TMEM131L: variants seen among roughly 807,000 people sequenced by gnomAD.
TMEM131L encodes transmembrane 131 like.
Under a neutral mutation model 192.2 loss-of-function variants are expected in TMEM131L, and 54 were observed. That is an observed-to-expected ratio of 0.28 (90% CI 0.23 to 0.35). TMEM131L has a LOEUF of 0.35. Among genes scored for constraint, TMEM131L ranks in the 10% least tolerant of loss-of-function variants. TMEM131L has a pLI of 1.00. For missense variants in TMEM131L, 1,888 were observed against 1,972.9 expected (o/e 0.96, Z 0.82); for synonymous variants, 701 against 704.9 (o/e 0.99, Z 0.09).
At chr4:153,563,456 CTTTTTTTTTTTTTTT>C (rs1177255196) in intron 7 of TMEM131L, among the ~76,000 whole-genome samples, 4 of 88,198 alleles carry the variant, frequency 4.5e-5, no homozygotes, top group South Asian at 8.8e-4. Context: ...GATATGTACC[CTTTTTTTTTTTTTTT>C]TTTTTTTTTT....
At chr4:153,631,317 G>A (rs1734193354) in intron 31 of TMEM131L, among the ~76,000 whole-genome samples, 1 of 152,228 alleles carries the variant, frequency 6.6e-6, no homozygotes, top group South Asian at 2.1e-4. Flanking sequence ...CCCTAGAGGG[G>A]TACCTGCCAT....
intron 3 of TMEM131L, among the ~76,000 whole-genome samples, chr4:153,490,226 C>T (rs116146473): frequency 0.02 from 3,011 of 152,232 alleles, 53 homozygotes; most frequent in South Asian, 0.069. Context: ...ATCCAAATTG[C>T]GTGTTAGTTT....
chr4:153,580,784 C>A, intron 7 of TMEM131L, 42 bp from the exon 8 acceptor site: 1 of 1,153,594 alleles, frequency 8.7e-7, no homozygotes, highest in Non-Finnish European at 1.3e-6. Context: ...TGAGATTGAG[C>A]CTTTTACTTA....
At chr4:153,552,847 C>CA (rs1040491513) in intron 4 of TMEM131L, among the ~76,000 whole-genome samples, 40 of 150,402 alleles carry the variant, frequency 2.7e-4, no homozygotes, top group African/African-American at 9.5e-4. Flanking sequence ...AAAACAAAAA[C>CA]AAAAAAAACT....
intron 21 of TMEM131L, among the ~76,000 whole-genome samples, chr4:153,600,545 AAT>A (rs1731767399): frequency 6.6e-6 from 1 of 152,234 alleles, no homozygotes; most frequent in South Asian, 2.1e-4. Flanking sequence ...ATTTAAACGA[AAT>A]GCCTTTAAAC....
chr4:153,569,852 C>T (rs76414113), intron 7 of TMEM131L, among the ~76,000 whole-genome samples: 2,638 of 152,242 alleles, frequency 0.017, 96 homozygotes, highest in African/African-American at 0.061. Context: ...AATATAAACC[C>T]TCTTCTATTA....
chr4:153,551,584 G>T (rs1442856164), intron 4 of TMEM131L, among the ~76,000 whole-genome samples: 2 of 151,982 alleles, frequency 1.3e-5, no homozygotes, highest in Non-Finnish European at 2.9e-5. Flanking sequence ...TCAAACTCCT[G>T]ACCTCAAGTG....
chr4:153,591,024 T>C, intron 16 of TMEM131L, 29 bp from the exon 17 acceptor site: 1 of 1,422,046 alleles, frequency 7.0e-7, no homozygotes. Context: ...AAAATATTTT[T>C]CATAATAGTT....
intron 3 of TMEM131L, among the ~76,000 whole-genome samples, chr4:153,487,311 A>AAGG (rs1455731645): frequency 6.6e-6 from 1 of 152,188 alleles, no homozygotes; most frequent in East Asian, 1.9e-4. Flanking sequence ...GATTTTATCA[A>AAGG]ACCTAGAATC....
intron 7 of TMEM131L, among the ~76,000 whole-genome samples, chr4:153,580,540 A>G (rs753481920): frequency 1.1e-4 from 16 of 152,192 alleles, no homozygotes; most frequent in Non-Finnish European, 8.8e-5. Context: ...TTTAGAACAT[A>G]TTCACCTGCT....
At chr4:153,485,847 C>T (rs1238837258) in intron 3 of TMEM131L, among the ~76,000 whole-genome samples, 1 of 152,196 alleles carries the variant, frequency 6.6e-6, no homozygotes, top group African/African-American at 2.4e-5. Context: ...AAAGTGCTTT[C>T]ACATGTATCT....
intron 3 of TMEM131L, among the ~76,000 whole-genome samples, chr4:153,482,589 CTT>C (rs1009835241): frequency 2.0e-5 from 3 of 151,930 alleles, no homozygotes; most frequent in Non-Finnish European, 4.4e-5. Flanking sequence ...TTCCTAAAAA[CTT>C]TTATTTTATT....
chr4:153,480,192 A>G (rs1304387766), intron 3 of TMEM131L, among the ~76,000 whole-genome samples: 1 of 152,120 alleles, frequency 6.6e-6, no homozygotes, highest in Non-Finnish European at 1.5e-5. Context: ...ATAAAAAATT[A>G]GCTGGGCGTG....
intron 3 of TMEM131L, among the ~76,000 whole-genome samples, chr4:153,518,397 G>T (rs1369377172): frequency 6.6e-6 from 1 of 152,184 alleles, no homozygotes; most frequent in Non-Finnish European, 1.5e-5. Flanking sequence ...AGAGAAAAAA[G>T]AATCAGAAGA....
intron 1 of TMEM131L, 22 bp from the exon 2 acceptor site, chr4:153,467,179 AAAACGTGGTG>A: frequency 6.5e-7 from 1 of 1,548,936 alleles, no homozygotes; most frequent in Non-Finnish European, 8.7e-7. Flanking sequence ...GCGTGCATTA[AAAACGTGGTG>A]TATTTTTTGG....
Position 153,483,060 on chromosome 4 carries a change from AG to A in TMEM131L, c.239+9175del, listed in dbSNP as rs563126192. On this transcript the variant is annotated intron_variant, in intron 3 of 34. Transcript: ENST00000409959. ...AATTTTGAAAAAAAAATAATTTTGA[AG>A]GGTTAGTCTAGAATAAAAATAGGCA... Among the ~76,000 whole-genome samples, 41 of 152,360 alleles carry A rather than the reference AG, an allele frequency of 2.7e-4. No individual in the cohort carries two copies. The East Asian group carries it at 7.7e-3, about 29-fold the overall frequency.
chr4:153,573,353 C>T (rs977451275), intron 7 of TMEM131L, among the ~76,000 whole-genome samples: 7 of 152,228 alleles, frequency 4.6e-5, no homozygotes, highest in African/African-American at 7.2e-5. Context: ...AAACTTTTGC[C>T]GAGCCTGGAT....
chr4:153,517,818 A>C (rs1263003146), intron 3 of TMEM131L, among the ~76,000 whole-genome samples: 1 of 152,084 alleles, frequency 6.6e-6, no homozygotes, highest in Non-Finnish European at 1.5e-5. Context: ...TACACACTTG[A>C]TTTTCTGGAT....
rs1169736113 is a variant in TMEM131L, at chr4:153,584,885, C to G, written c.1111C>G (p.His371Asp). The G allele has an allele frequency of 2.5e-6, 4 of 1,613,978 alleles. No homozygotes were observed. Among genetic ancestry groups the G allele is most frequent in the Non-Finnish European group, 3.4e-6 (4 of 1,179,936 alleles). The change falls in exon 12 of 35, where the codon CAC (histidine) becomes GAC (aspartate). Residue 371 changes from histidine (H) to aspartate (D), a missense_variant. His to Asp is a moderately conservative substitution (Grantham distance 81, BLOSUM62 -1). Transcript: ENST00000409959. ...TATAGAAGATGTGAAGAAAACAACA[C>G]ACACTCCAACACTAAAAGCATGCCT... ...GIIEDVKKTT[H>D]TPTLKACLFS...
Sources: allele counts gnomAD v4.1 joint callset (sites outside exome capture counted in the v4.1 genomes callset), GRCh38; gene constraint gnomAD v4.1.1; transcripts MANE v1.5; gene names NCBI Gene and HGNC (gene_info 2026-07-23, HGNC 2026-07-21).